Variants in NKAIN2 observed in about 807,000 individuals in gnomAD.
NKAIN2 encodes sodium/potassium transporting ATPase interacting 2, also known as sodium/potassium-transporting ATPase subunit beta-1-interacting protein 2.
In NKAIN2, 14 loss-of-function variants were observed where a neutral mutation model predicts 32.6. The observed-to-expected ratio is 0.43, with a 90% CI of 0.28 to 0.67. The LOEUF is 0.67. Among genes scored for constraint, NKAIN2 ranks in the 30% least tolerant of loss-of-function variants. The pLI is 0.17. For missense variants in NKAIN2, 198 were observed against 258.3 expected (o/e 0.77, Z 1.60); for synonymous variants, 80 against 87.2 (o/e 0.92, Z 0.46).
intron 1 of NKAIN2, chr6:124,121,927 A>G (rs1203644045): frequency 1.6e-6 from 2 of 1,227,124 alleles, no homozygotes; most frequent in Admixed American, 4.7e-5. Context: ...ATATTGTCCC[A>G]CAAATATCTT....
chr6:124,362,829 G>A (rs1255299405), intron 3 of NKAIN2, among the ~76,000 whole-genome samples: 1 of 152,012 alleles, frequency 6.6e-6, no homozygotes, highest in Admixed American at 6.6e-5. Context: ...AAAGGAAAAA[G>A]AATTTTATTA....
chr6:124,075,855 C>T (rs774449967), intron 1 of NKAIN2, among the ~76,000 whole-genome samples: 19 of 152,206 alleles, frequency 1.2e-4, no homozygotes, highest in Non-Finnish European at 1.9e-4. Flanking sequence ...CTCAGCCTCT[C>T]AAACTGCTGT....
At chr6:124,653,280 T>TTTTA (rs1388203726) in intron 3 of NKAIN2, among the ~76,000 whole-genome samples, 1 of 151,956 alleles carries the variant, frequency 6.6e-6, no homozygotes, top group Non-Finnish European at 1.5e-5. Flanking sequence ...AACAGTGTGG[T>TTTTA]ATTGGCAAAA....
At chr6:124,308,961 T>G (rs1583026666) in intron 2 of NKAIN2, among the ~76,000 whole-genome samples, 1 of 152,294 alleles carries the variant, frequency 6.6e-6, no homozygotes, top group Non-Finnish European at 1.5e-5. Context: ...AAGTAAAGAT[T>G]ATTACAGAAT....
chr6:124,266,140 A>G (rs1794483124), intron 1 of NKAIN2, among the ~76,000 whole-genome samples: 1 of 152,086 alleles, frequency 6.6e-6, no homozygotes, highest in African/African-American at 2.4e-5. Context: ...GACCCATAAT[A>G]CTCATGATGA....
intron 1 of NKAIN2, among the ~76,000 whole-genome samples, chr6:124,202,984 T>G (rs1457616540): frequency 6.6e-6 from 1 of 151,952 alleles, no homozygotes. Flanking sequence ...AATTTGTTGG[T>G]TCATAGTTTC....
chr6:124,608,519 T>G (rs1782577401), intron 3 of NKAIN2, among the ~76,000 whole-genome samples: 1 of 152,130 alleles, frequency 6.6e-6, no homozygotes, highest in Non-Finnish European at 1.5e-5. Context: ...GGGACACTGG[T>G]GAAGTGAAGG....
At chr6:124,035,626 G>A (rs771683440) in intron 1 of NKAIN2, among the ~76,000 whole-genome samples, 1 of 151,988 alleles carries the variant, frequency 6.6e-6, no homozygotes, top group Non-Finnish European at 1.5e-5. Flanking sequence ...TAAAAGTGAT[G>A]GGCACACAAA....
At chr6:124,394,458 G>GATAA (rs1299965140) in intron 3 of NKAIN2, among the ~76,000 whole-genome samples, 1 of 104,284 alleles carries the variant, frequency 9.6e-6, no homozygotes, top group Non-Finnish European at 2.2e-5. Context: ...ATCAATATGA[G>GATAA]ATAGATAGAT....
chr6:123,868,209 T>C (rs1304305451), intron 1 of NKAIN2, among the ~76,000 whole-genome samples: 1 of 152,138 alleles, frequency 6.6e-6, no homozygotes, highest in African/African-American at 2.4e-5. Context: ...GTCTCCTGCA[T>C]GAGGCTCTAA....
At chr6:124,701,151 A>ATG (rs1774764494) in intron 4 of NKAIN2, among the ~76,000 whole-genome samples, 2 of 115,744 alleles carry the variant, frequency 1.7e-5, no homozygotes, top group Non-Finnish European at 3.6e-5. Flanking sequence ...ACACACACAC[A>ATG]CGCACACACA....
intron 3 of NKAIN2, among the ~76,000 whole-genome samples, chr6:124,356,657 T>C (rs545417199): frequency 5.3e-5 from 8 of 152,214 alleles, no homozygotes; most frequent in African/African-American, 1.9e-4. Flanking sequence ...AAATAAATTG[T>C]TCAGTGGCTC....
At chr6:124,811,442 T>C (rs183108183) in intron 5 of NKAIN2, among the ~76,000 whole-genome samples, 31 of 152,306 alleles carry the variant, frequency 2.0e-4, no homozygotes, top group African/African-American at 7.2e-4. Context: ...ATTAAAAGGT[T>C]TAAATAAAAG....
chr6:123,916,866 T>C (rs918015019), intron 1 of NKAIN2, among the ~76,000 whole-genome samples: 7 of 151,878 alleles, frequency 4.6e-5, no homozygotes, highest in African/African-American at 1.2e-4. Context: ...ATCTGTCATC[T>C]ACCTACCTAC....
At chr6:123,924,081 A>G (rs1202774616) in intron 1 of NKAIN2, among the ~76,000 whole-genome samples, 2 of 152,240 alleles carry the variant, frequency 1.3e-5, no homozygotes, top group Non-Finnish European at 1.5e-5. Flanking sequence ...CCTAATATTA[A>G]CTATAGTTTT....
At chr6:123,984,542 A>G (rs912121164) in intron 1 of NKAIN2, among the ~76,000 whole-genome samples, 1 of 152,134 alleles carries the variant, frequency 6.6e-6, no homozygotes, top group Non-Finnish European at 1.5e-5. Context: ...TATAGAACCT[A>G]CCTTCTTATT....
chr6:124,591,111 G>C (rs1781895595), intron 3 of NKAIN2, among the ~76,000 whole-genome samples: 1 of 152,226 alleles, frequency 6.6e-6, no homozygotes, highest in Non-Finnish European at 1.5e-5. Flanking sequence ...AACTTCCCTT[G>C]TGAGAAATTA....
chr6:124,204,555 A>C (rs1790762898), intron 1 of NKAIN2, among the ~76,000 whole-genome samples: 1 of 151,760 alleles, frequency 6.6e-6, no homozygotes, highest in South Asian at 2.1e-4. Flanking sequence ...TTTATTTTTG[A>C]TTTATTTGGA....
intron 4 of NKAIN2, among the ~76,000 whole-genome samples, chr6:124,703,571 A>G (rs1774906490): frequency 1.3e-5 from 2 of 152,058 alleles, no homozygotes; most frequent in Admixed American, 1.3e-4. Flanking sequence ...AAGAGAAGGA[A>G]AAAAAGATAC....
Sources: allele counts gnomAD v4.1 joint callset (sites outside exome capture counted in the v4.1 genomes callset), GRCh38; gene constraint gnomAD v4.1.1; transcripts MANE v1.5; gene names NCBI Gene and HGNC (gene_info 2026-07-23, HGNC 2026-07-21).